FNBP1L: variants seen among roughly 807,000 people sequenced by gnomAD.
The protein encoded by FNBP1L is formin binding protein 1 like.
A neutral mutation model predicts 91.2 loss-of-function variants in FNBP1L; 36 were observed. The observed-to-expected ratio is 0.39, with a 90% CI of 0.30 to 0.52. The LOEUF (loss-of-function observed/expected upper bound fraction) is 0.52, where lower values mean the gene tolerates loss of function less well. FNBP1L is among the 20% of genes least tolerant of loss of function. The pLI, the probability that FNBP1L is intolerant of heterozygous loss-of-function variation, is 0.66. For synonymous variants in FNBP1L, 242 were observed against 237.0 expected (o/e 1.02, Z -0.19); for missense variants, 571 against 732.1 (o/e 0.78, Z 2.54).
At chr1:93,522,609 CTGTT>C (rs1671366797) in intron 3 of FNBP1L, among the ~76,000 whole-genome samples, 2 of 152,010 alleles carry the variant, frequency 1.3e-5, no homozygotes, top group Admixed American at 6.6e-5. Context: ...ATGTGGATGA[CTGTT>C]TAGATGGAGA....
intron 2 of FNBP1L, among the ~76,000 whole-genome samples, chr1:93,506,918 T>C (rs1407028795): frequency 2.6e-5 from 4 of 152,098 alleles, no homozygotes; most frequent in African/African-American, 7.2e-5. Context: ...ATATCACATA[T>C]ATAACTAATA....
chr1:93,448,149 G>A lies in FNBP1L; in HGVS notation c.-133G>A. Reference sequence around the variant, plus strand: ...GTCTTTCTCACTCACTGGGGAGCCCGGCGGTGGCGGCACCTTTCGAGGTAG... The same window carrying A: ...GTCTTTCTCACTCACTGGGGAGCCCAGCGGTGGCGGCACCTTTCGAGGTAG... On this transcript the variant is annotated 5_prime_UTR_variant, in exon 1 of 17. Transcript: ENST00000271234. 4 of 1,154,610 alleles carry A rather than the reference G, an allele frequency of 3.5e-6. No individual in the cohort carries two copies. Among genetic ancestry groups the A allele is most frequent in the Non-Finnish European group, 4.8e-6 (4 of 828,376 alleles). The allele number at this position is 1,154,610 out of a possible 1,614,324, so 71.5% of individuals were successfully genotyped here.
chr1:93,501,952 A>C (rs919734787), intron 2 of FNBP1L, among the ~76,000 whole-genome samples: 3 of 152,188 alleles, frequency 2.0e-5, no homozygotes, highest in Admixed American at 6.5e-5. Flanking sequence ...GCAGGAAAAA[A>C]AAAAAGTTTC....
intron 5 of FNBP1L, among the ~76,000 whole-genome samples, chr1:93,528,079 C>T (rs189853021): frequency 2.0e-4 from 31 of 152,046 alleles, no homozygotes; most frequent in Admixed American, 1.8e-3. Context: ...AATTAGGAGA[C>T]TCATCCAGTA....
chr1:93,532,835 A>G, intron 7 of FNBP1L, 87 bp from the exon 8 acceptor site: 1 of 1,003,470 alleles, frequency 1.0e-6, no homozygotes, highest in Non-Finnish European at 1.4e-6. Context: ...GAAATATTTA[A>G]TTTTTGATGG....
chr1:93,453,941 A>G (rs1668574758), intron 1 of FNBP1L, among the ~76,000 whole-genome samples: 1 of 152,258 alleles, frequency 6.6e-6, no homozygotes, highest in South Asian at 2.1e-4. Flanking sequence ...CTAGAAAGTA[A>G]TAGATGGACT....
intron 12 of FNBP1L, among the ~76,000 whole-genome samples, chr1:93,545,573 T>C (rs1672194826): frequency 6.6e-6 from 1 of 152,128 alleles, no homozygotes; most frequent in East Asian, 1.9e-4. Flanking sequence ...TCTGTGAAGT[T>C]CTGTAGGTAC....
At chr1:93,525,222 GTTAAA>G (rs1671456602) in intron 5 of FNBP1L, among the ~76,000 whole-genome samples, 1 of 152,066 alleles carries the variant, frequency 6.6e-6, no homozygotes, top group African/African-American at 2.4e-5. Flanking sequence ...GTTTTTCCAT[GTTAAA>G]TTAATCAGTT....
chr1:93,535,385 A>G (rs193234879), intron 9 of FNBP1L, among the ~76,000 whole-genome samples: 3 of 152,222 alleles, frequency 2.0e-5, no homozygotes, highest in African/African-American at 7.2e-5. Context: ...AACAATTTCT[A>G]GTTTGGTAAG....
At chr1:93,551,734 TCTC>T (rs1178378507) in intron 16 of FNBP1L, 27 of 984,838 alleles carry the variant, frequency 2.7e-5, no homozygotes, top group African/African-American at 1.7e-5. Flanking sequence ...TCAAAATAAA[TCTC>T]CTGGTCTAGC....
chr1:93,448,473 C>T (rs1668347881), intron 1 of FNBP1L, among the ~76,000 whole-genome samples, 168 bp downstream of exon 1: 2 of 152,192 alleles, frequency 1.3e-5, no homozygotes, highest in African/African-American at 4.8e-5. Flanking sequence ...CTCTTCCCTT[C>T]TCGGCCGGGG....
intron 3 of FNBP1L, 24 bp from the exon 4 acceptor site, chr1:93,523,320 A>G: frequency 6.3e-7 from 1 of 1,582,800 alleles, no homozygotes; most frequent in East Asian, 2.3e-5. Flanking sequence ...AGTAAGTCTC[A>G]CCATTTTGAA....
intron 1 of FNBP1L, among the ~76,000 whole-genome samples, chr1:93,484,009 A>G (rs1486437887): frequency 6.6e-6 from 1 of 152,192 alleles, no homozygotes; most frequent in East Asian, 1.9e-4. Context: ...GCTCACCACA[A>G]CTTCTGCCTC....
At chr1:93,478,228 AT>A (rs1669564348) in intron 1 of FNBP1L, among the ~76,000 whole-genome samples, 1 of 152,158 alleles carries the variant, frequency 6.6e-6, no homozygotes, top group African/African-American at 2.4e-5. Context: ...GGAAGCTGCG[AT>A]GGTCTAGAGC....
At chr1:93,533,244 A>G (rs891418574) in intron 8 of FNBP1L, among the ~76,000 whole-genome samples, 176 bp downstream of exon 8, 2 of 152,046 alleles carry the variant, frequency 1.3e-5, no homozygotes, top group African/African-American at 4.8e-5. Flanking sequence ...TCTACATGCA[A>G]AAGTTCTAAT....
At chr1:93,481,813 G>A (rs1669715446) in intron 1 of FNBP1L, among the ~76,000 whole-genome samples, 2 of 152,146 alleles carry the variant, frequency 1.3e-5, no homozygotes, top group South Asian at 2.1e-4. Flanking sequence ...GGGAAAAAAA[G>A]GAAAGTGTTG....
intron 1 of FNBP1L, among the ~76,000 whole-genome samples, chr1:93,497,065 A>G (rs1670287368): frequency 6.6e-6 from 1 of 152,074 alleles, no homozygotes; most frequent in South Asian, 2.1e-4. Context: ...GGTTCATGCC[A>G]TTCCCTGCCT....
chr1:93,479,951 A>G (rs1332886509), intron 1 of FNBP1L, among the ~76,000 whole-genome samples: 1 of 152,368 alleles, frequency 6.6e-6, no homozygotes, highest in East Asian at 1.9e-4. Context: ...ATAAGAAATT[A>G]TAAGAGTATT....
chr1:93,453,021 C>G (rs1487092593), intron 1 of FNBP1L, among the ~76,000 whole-genome samples: 1 of 152,170 alleles, frequency 6.6e-6, no homozygotes, highest in Non-Finnish European at 1.5e-5. Flanking sequence ...GATACCACTG[C>G]CCAGAATGCC....
Sources: gnomAD v4.1 joint callset for allele counts (sites outside exome capture counted in the v4.1 genomes callset) on GRCh38, gnomAD v4.1.1 for gene constraint, MANE v1.5 for transcripts, NCBI Gene and HGNC (gene_info 2026-07-23, HGNC 2026-07-21) for gene names.